HDX: variants seen among roughly 807,000 people sequenced by gnomAD.
HDX encodes chromosome X open reading frame 43.
HDX carries 19 observed loss-of-function variants against 45.2 expected under a neutral mutation model. The ratio of observed to expected loss-of-function variants is 0.42; its 90% CI spans 0.29 to 0.62. The LOEUF (loss-of-function observed/expected upper bound fraction) is 0.62. Among genes scored for constraint, HDX ranks in the 20% least tolerant of loss-of-function variants. The pLI is 0.20. For missense variants in HDX, 532 were observed against 493.9 expected, an observed-to-expected ratio of 1.08 and a Z score of -0.73; for synonymous variants, 188 against 172.8, an observed-to-expected ratio of 1.09 and a Z score of -0.69.
chrX:84,459,998 A>G (rs1368453373), intron 4 of HDX, among the ~76,000 whole-genome samples: 1 of 111,739 alleles, frequency 8.9e-6, no homozygotes, highest in Non-Finnish European at 1.9e-5. Context: ...TAAAGCATCC[A>G]AAACCTGAAC....
chrX:84,373,290 G>C (rs1239420082), intron 5 of HDX, among the ~76,000 whole-genome samples: 3 of 110,879 alleles, frequency 2.7e-5, no homozygotes, highest in Non-Finnish European at 3.8e-5. Flanking sequence ...GGAAACACAA[G>C]AATCTGTTAG....
At chrX:84,440,303 T>C (rs1011281579) in intron 5 of HDX, 3 of 292,336 alleles carry the variant, frequency 1.0e-5, no homozygotes, top group Non-Finnish European at 1.2e-5. Context: ...CTTTTAAAAC[T>C]GAGAAAACTG....
rs2039212968 is a variant in HDX, at chrX:84,420,017, A to ATATC, written c.1305+20511_1305+20514dup. Among the ~76,000 whole-genome samples the ATATC allele has an allele frequency of 2.7e-5, 3 of 111,772 alleles. No individual in the cohort carries two copies. In the South Asian group the frequency reaches 1.1e-3, roughly 42 times the overall value. The stretch of plus-strand genomic sequence containing the variant: ...GATCACAACACCCAAGTCGTTTAAA[A>ATATC]TATCTGGAAAGGACAGCTACAAATA... On this transcript the variant is annotated intron_variant, in intron 5 of 10. Coordinates refer to ENST00000373177, the MANE Select transcript of HDX (RefSeq NM_001177479.2).
intron 5 of HDX, among the ~76,000 whole-genome samples, chrX:84,376,483 T>C (rs1216277350): frequency 9.0e-6 from 1 of 111,566 alleles, no homozygotes; most frequent in Non-Finnish European, 1.9e-5. Flanking sequence ...TTCTGGACTT[T>C]CCCTGAGCCA....
chrX:84,406,371 G>A (rs761771134), intron 5 of HDX, among the ~76,000 whole-genome samples: 1 of 108,405 alleles, frequency 9.2e-6, no homozygotes, highest in Admixed American at 1.0e-4. Context: ...AGGATAAAGT[G>A]TGCCTTGGGC....
At position 84,469,076 on chromosome X, in the gene HDX, C is replaced by T. The variant is rs753336004; in HGVS notation, c.647G>A (p.Cys216Tyr). 12 of 1,210,049 alleles carry T rather than the reference C, an allele frequency of 9.9e-6. No homozygotes were observed. The Admixed American group carries it at 2.6e-4, about 26-fold the overall frequency. ...EMTVPQKPSV[C>Y]HRPCKIEPVG... Reference sequence around the variant, plus strand: ...TGGTTCAATTTTACAAGGTCGGTGGCACACAGAAGGCTTTTGAGGTACTGT... The same window carrying T: ...TGGTTCAATTTTACAAGGTCGGTGGTACACAGAAGGCTTTTGAGGTACTGT... The change falls in exon 4 of 11, where the codon TGC becomes TAC. Residue 216 changes from cysteine (C) to tyrosine (Y), a missense_variant. By Grantham distance (194) the Cys-to-Tyr change is radical (BLOSUM62 -2). Coordinates refer to ENST00000373177, the MANE Select transcript of HDX (RefSeq NM_001177479.2).
rs755747288 is a variant in HDX at position 84,362,730 on chromosome X, A to G, written c.1306-1118T>C. On this transcript the variant is annotated intron_variant, in intron 5 of 10. Coordinates refer to ENST00000373177, the MANE Select transcript of HDX (RefSeq NM_001177479.2). ...TAGTCCTCAAATACTCCTTAGACAT[A>G]CAATGTTTTCAACATTTCCTTTCTA... Among the ~76,000 whole-genome samples, 291 of 111,439 alleles carry G rather than the reference A, an allele frequency of 2.6e-3. 2 individuals carry two copies. The highest frequency in any genetic ancestry group is 9.2e-3 in the African/African-American group (283 of 30,706).
At chrX:84,499,438 A>G (rs1166399903) in intron 1 of HDX, among the ~76,000 whole-genome samples, 1 of 111,901 alleles carries the variant, frequency 8.9e-6, no homozygotes, top group Non-Finnish European at 1.9e-5. Flanking sequence ...AAGTTTGATC[A>G]GTTTTCTCTA....
At chrX:84,360,859 A>T (rs867515683) in intron 6 of HDX, among the ~76,000 whole-genome samples, 18 of 111,684 alleles carry the variant, frequency 1.6e-4, no homozygotes, top group African/African-American at 4.9e-4. Context: ...ATTATGGAAA[A>T]CTCTGTTATG....
At chrX:84,338,026 T>G (rs1602268559) in intron 7 of HDX, among the ~76,000 whole-genome samples, 1 of 111,458 alleles carries the variant, frequency 9.0e-6, no homozygotes, top group Admixed American at 9.6e-5. Context: ...TAAATACTAG[T>G]AGAATTTCGC....
chrX:84,460,563 C>A (rs2040217770), intron 4 of HDX, among the ~76,000 whole-genome samples: 1 of 111,343 alleles, frequency 9.0e-6, no homozygotes, highest in Admixed American at 9.5e-5. Context: ...ACATTAAAAA[C>A]CATATATGAC....
chrX:84,473,489 G>T (rs953492529), intron 3 of HDX, among the ~76,000 whole-genome samples: 22 of 110,182 alleles, frequency 2.0e-4, no homozygotes, highest in Admixed American at 1.6e-3. Context: ...TGGAGGGAAT[G>T]AATCCATTTT....
At chrX:84,372,785 T>C (rs1261337898) in intron 5 of HDX, among the ~76,000 whole-genome samples, 1 of 111,574 alleles carries the variant, frequency 9.0e-6, no homozygotes, top group East Asian at 2.8e-4. Flanking sequence ...TACAGAACAA[T>C]TATTATCACA....
intron 4 of HDX, among the ~76,000 whole-genome samples, chrX:84,445,038 T>G (rs1795374889): frequency 8.9e-6 from 1 of 112,080 alleles, no homozygotes; most frequent in African/African-American, 3.2e-5. Context: ...TTTAAAAATT[T>G]ATTCTAATTA....
chrX:84,334,607 T>A (rs1404727464), intron 8 of HDX, among the ~76,000 whole-genome samples: 1 of 98,833 alleles, frequency 1.0e-5, no homozygotes, highest in Admixed American at 1.1e-4. Flanking sequence ...GAAAAAAAAA[T>A]GACCAATTAG....
chrX:84,457,951 G>A (rs1039192034), intron 4 of HDX, among the ~76,000 whole-genome samples: 3 of 111,653 alleles, frequency 2.7e-5, no homozygotes, highest in South Asian at 7.4e-4. Flanking sequence ...AAAATCATTC[G>A]AACATTTGTG....
intron 7 of HDX, among the ~76,000 whole-genome samples, chrX:84,342,150 C>T (rs938252999): frequency 9.0e-6 from 1 of 111,431 alleles, no homozygotes; most frequent in Non-Finnish European, 1.9e-5. Context: ...GTTTCAGACT[C>T]ATATCATCCA....
At position 84,323,265 on chromosome X, in the gene HDX, C is replaced by T. The variant is rs548764461; in HGVS notation, c.1948-1251G>A. 1.9e-4 allele frequency among the ~76,000 whole-genome samples: 21 copies of T among 110,910 alleles called. 1 individual carries two copies. In the South Asian group the frequency reaches 7.5e-3, roughly 40 times the overall value. ...ACAGTAAACTAACTTAAAGGTAATG[C>T]CTGCTTTCTAAGTGGCTAGATTGCA... On this transcript the variant is annotated intron_variant, in intron 10 of 10. Coordinates refer to ENST00000373177, the MANE Select transcript of HDX (RefSeq NM_001177479.2).
intron 5 of HDX, among the ~76,000 whole-genome samples, chrX:84,409,407 T>G (rs748904078): frequency 9.0e-6 from 1 of 110,894 alleles, no homozygotes; most frequent in South Asian, 3.9e-4. Context: ...CATGCTGCTA[T>G]AAAGACACAT....
Sources: gnomAD v4.1 joint callset for allele counts (sites outside exome capture counted in the v4.1 genomes callset) on GRCh38, gnomAD v4.1.1 for gene constraint, MANE v1.5 for transcripts, NCBI Gene and HGNC (gene_info 2026-07-23, HGNC 2026-07-21) for gene names.